Variants in CDH18 observed in about 807,000 individuals in gnomAD.
CDH18 encodes the protein cadherin-18.
A neutral mutation model predicts 67.9 loss-of-function variants in CDH18; 31 were observed. That is an observed-to-expected ratio of 0.46 (90% confidence interval 0.34 to 0.62). The LOEUF (loss-of-function observed/expected upper bound fraction) is 0.62. Among genes scored for constraint, CDH18 ranks in the 20% least tolerant of loss-of-function variants. The pLI, the probability that CDH18 is intolerant of heterozygous loss-of-function variation, is 0.01. For missense variants in CDH18, 890 were observed against 975.5 expected, an observed-to-expected ratio of 0.91 and a Z score of 1.17; for synonymous variants, 362 against 347.2, an observed-to-expected ratio of 1.04 and a Z score of -0.48.
chr5:19,791,053 C>T (rs983040655), intron 3 of CDH18, among the ~76,000 whole-genome samples: 3 of 151,946 alleles, frequency 2.0e-5, no homozygotes, highest in Non-Finnish European at 4.4e-5. Context: ...ACTTAGAGTC[C>T]AGTTTTGTTC....
intron 2 of CDH18, among the ~76,000 whole-genome samples, chr5:20,055,990 C>CTTT (rs34736791): frequency 5.4e-4 from 40 of 73,806 alleles, no homozygotes; most frequent in Non-Finnish European, 6.5e-4. Context: ...TTTTGGTTTC[C>CTTT]TTTTTTTTTT....
At chr5:19,875,906 T>A (rs958579436) in intron 2 of CDH18, among the ~76,000 whole-genome samples, 1 of 147,838 alleles carries the variant, frequency 6.8e-6, no homozygotes, top group South Asian at 2.2e-4. Context: ...CTTTTTTTTA[T>A]ACACAGACTA....
intron 1 of CDH18, among the ~76,000 whole-genome samples, chr5:20,346,284 T>C (rs1401345894): frequency 2.0e-5 from 3 of 152,172 alleles, no homozygotes; most frequent in Non-Finnish European, 4.4e-5. Flanking sequence ...CTTTTGCTTA[T>C]CAACTATTTA....
intron 3 of CDH18, among the ~76,000 whole-genome samples, chr5:19,802,933 C>T (rs752381330): frequency 6.6e-6 from 1 of 152,204 alleles, no homozygotes; most frequent in Non-Finnish European, 1.5e-5. Context: ...AAGGTGTCAG[C>T]GTGGCTGCAC....
chr5:19,544,119 T>G (rs555768031), intron 8 of CDH18, 114 bp from the exon 9 acceptor site: 78 of 427,994 alleles, frequency 1.8e-4, no homozygotes, highest in African/African-American at 1.5e-3. Context: ...TTTTAAATTC[T>G]ATATTTGATT....
At chr5:19,848,471 T>C (rs925902089) in intron 2 of CDH18, among the ~76,000 whole-genome samples, 1 of 152,084 alleles carries the variant, frequency 6.6e-6, no homozygotes, top group Non-Finnish European at 1.5e-5. Context: ...TAAATTTATC[T>C]GAAAGAGAAT....
intron 2 of CDH18, among the ~76,000 whole-genome samples, chr5:20,044,685 A>G (rs1740757378): frequency 6.6e-6 from 1 of 152,134 alleles, no homozygotes; most frequent in Non-Finnish European, 1.5e-5. Context: ...ATTTTAGAAA[A>G]TGTAAATCAC....
chr5:19,724,790 G>T (rs1032076192), intron 4 of CDH18, among the ~76,000 whole-genome samples: 2 of 152,152 alleles, frequency 1.3e-5, no homozygotes, highest in Non-Finnish European at 1.5e-5. Context: ...TGTGTGTCCT[G>T]TGAGTTTTCT....
intron 2 of CDH18, among the ~76,000 whole-genome samples, chr5:20,191,553 C>T (rs1326125017): frequency 3.9e-5 from 6 of 151,976 alleles, no homozygotes; most frequent in Non-Finnish European, 5.9e-5. Context: ...TGTTGTTCTC[C>T]TCTCTGTGTC....
chr5:19,759,793 T>G (rs186841968), intron 3 of CDH18, among the ~76,000 whole-genome samples: 12 of 152,084 alleles, frequency 7.9e-5, no homozygotes, highest in Non-Finnish European at 1.6e-4. Flanking sequence ...TTGTCGGAAA[T>G]GTAGTGGGGG....
At chr5:20,561,392 C>T (rs1423875678) in intron 1 of CDH18, among the ~76,000 whole-genome samples, 1 of 151,984 alleles carries the variant, frequency 6.6e-6, no homozygotes, top group African/African-American at 2.4e-5. Context: ...ATAAGTTGTG[C>T]TGCATGAGGA....
At chr5:19,870,425 C>G (rs1364208019) in intron 2 of CDH18, among the ~76,000 whole-genome samples, 1 of 151,916 alleles carries the variant, frequency 6.6e-6, no homozygotes, top group African/African-American at 2.4e-5. Context: ...ATTTTTTCAC[C>G]ATTATATATT....
intron 2 of CDH18, among the ~76,000 whole-genome samples, chr5:20,240,299 T>C (rs1167885981): frequency 6.6e-6 from 1 of 151,982 alleles, no homozygotes; most frequent in East Asian, 1.9e-4. Flanking sequence ...AATTAGAAAC[T>C]GATTTGATCA....
chr5:20,197,900 G>A (rs766518405), intron 2 of CDH18, among the ~76,000 whole-genome samples: 13 of 152,114 alleles, frequency 8.5e-5, no homozygotes, highest in Non-Finnish European at 1.3e-4. Flanking sequence ...TGTCAAGGGC[G>A]GGACCAGGTG....
At chr5:20,146,526 G>A (rs1489290047) in intron 2 of CDH18, among the ~76,000 whole-genome samples, 3 of 151,512 alleles carry the variant, frequency 2.0e-5, no homozygotes, top group African/African-American at 7.3e-5. Context: ...TTAAGCTTCA[G>A]AAAGAAAAAG....
chr5:19,904,875 G>A (rs1215630318), intron 2 of CDH18, among the ~76,000 whole-genome samples: 1 of 152,146 alleles, frequency 6.6e-6, no homozygotes, highest in Non-Finnish European at 1.5e-5. Flanking sequence ...TATCATGACA[G>A]TTGCAGATTT....
At chr5:20,352,287 A>C (rs1015389411) in intron 1 of CDH18, among the ~76,000 whole-genome samples, 26 of 152,224 alleles carry the variant, frequency 1.7e-4, no homozygotes, top group African/African-American at 6.0e-4. Context: ...TGAATAGTCA[A>C]CATATTTTCT....
intron 3 of CDH18, among the ~76,000 whole-genome samples, chr5:19,764,446 A>G (rs1033759079): frequency 1.3e-5 from 2 of 152,112 alleles, no homozygotes; most frequent in Admixed American, 1.3e-4. Flanking sequence ...ATAAATAATA[A>G]AACTCCATAT....
intron 1 of CDH18, among the ~76,000 whole-genome samples, chr5:20,437,855 T>C (rs1262255358): frequency 6.6e-6 from 1 of 151,346 alleles, no homozygotes; most frequent in African/African-American, 2.4e-5. Context: ...AGAAAAATCC[T>C]GTGTGTATAA....
Sources: allele counts gnomAD v4.1 joint callset (sites outside exome capture counted in the v4.1 genomes callset), GRCh38; gene constraint gnomAD v4.1.1; transcripts MANE v1.5; gene names NCBI Gene and HGNC (gene_info 2026-07-23, HGNC 2026-07-21).